Variants in ZNF563 observed in about 807,000 individuals in gnomAD.
ZNF563 encodes the protein zinc finger protein 563.
In ZNF563, 39 loss-of-function variants were observed where a neutral mutation model predicts 48.5. The observed-to-expected ratio is 0.80, with a 90% CI of 0.62 to 1.05. ZNF563 has a LOEUF of 1.05. ZNF563 is among the 50% of genes least tolerant of loss of function. ZNF563 has a pLI of 0.00. For synonymous variants in ZNF563, 168 were observed against 187.9 expected (o/e 0.89, Z 0.87); for missense variants, 538 against 597.0 (o/e 0.90, Z 1.03).
At chr19:12,336,584 T>G (rs752760150), upstream of ZNF563, among the ~76,000 whole-genome samples, 4 of 152,222 alleles carry the variant, frequency 2.6e-5, no homozygotes, top group Non-Finnish European at 5.9e-5. Flanking sequence ...AGAGCGAGAC[T>G]CCGTCTCAAA....
intron 3 of ZNF563, 70 bp downstream of exon 3, chr19:12,321,202 G>T: frequency 8.8e-7 from 1 of 1,132,272 alleles, no homozygotes; most frequent in Non-Finnish European, 1.3e-6. Context: ...CATTTTCTTT[G>T]TTTTTAAAAT....
the ZNF563 span, among the ~76,000 whole-genome samples, chr19:12,345,371 C>T: frequency 1.3e-5 from 2 of 152,064 alleles, no homozygotes; most frequent in Admixed American, 6.6e-5. Context: ...ATGGTACTGG[C>T]ATAAAGACAA....
the ZNF563 span, among the ~76,000 whole-genome samples, chr19:12,338,851 T>TCAAAACAAAA: frequency 2.6e-4 from 40 of 151,650 alleles, no homozygotes; most frequent in Non-Finnish European, 4.7e-4. Context: ...AGACTCCATC[T>TCAAAACAAAA]CAAAACAAAA....
upstream of ZNF563, among the ~76,000 whole-genome samples, chr19:12,338,545 A>G (rs1036626712): frequency 6.6e-6 from 1 of 152,080 alleles, no homozygotes; most frequent in Non-Finnish European, 1.5e-5. Context: ...ACCCGGCTTG[A>G]TGGAGCTATT....
rs1241345815 is a variant in ZNF563 at position 12,319,295 on chromosome 19, CAT to C, written c.728_729del (p.His243ArgfsTer11). The C allele has an allele frequency of 6.2e-7, 1 of 1,613,992 alleles. No homozygotes were observed. Among genetic ancestry groups the C allele is most frequent in the East Asian group, 2.2e-5 (1 of 44,866 alleles). ...AFPFYSSYRR[H>X]ERMHTGEKPY... ...GGTTTCTCCCCAGTGTGCATTCTCT[CAT>C]GTCTTCGATAGGAACTGTAAAAAGG... On this transcript the variant is annotated frameshift_variant, in exon 4 of 4. Transcript: ENST00000293725. LOFTEE classifies it high-confidence loss of function.
chr19:12,328,102 A>G (rs981684157), intron 1 of ZNF563, among the ~76,000 whole-genome samples: 6 of 152,214 alleles, frequency 3.9e-5, no homozygotes, highest in Admixed American at 3.9e-4. Context: ...CAACACTAGC[A>G]GGGTATATAT....
chr19:12,319,215 T>G lies in ZNF563; in HGVS notation c.810A>C (p.Arg270Ser). Residue 270 changes from arginine to serine, a missense_variant, in exon 4 of 4, where the codon AGA (arginine) becomes AGC (serine). Arg to Ser is a moderately radical substitution (Grantham distance 110). Coordinates refer to ENST00000293725, the MANE Select transcript of ZNF563 (RefSeq NM_145276.3). ...KALPDSSSYI[R>S]HERTHTGEKP... is the part of the protein sequence containing the mutation. ...TCTCTCCAGTGTGAGTTCTTTCATG[T>G]CTTATATAGGAACTGGAATCAGGCA... 1 of 1,613,942 alleles carries G rather than the reference T, an allele frequency of 6.2e-7. No individual in the cohort carries two copies. The highest frequency in any genetic ancestry group is 2.2e-5 in the East Asian group (1 of 44,884).
intron 1 of ZNF563, among the ~76,000 whole-genome samples, chr19:12,333,279 C>T (rs1229398585): frequency 1.3e-5 from 2 of 152,178 alleles, no homozygotes; most frequent in African/African-American, 2.4e-5. Flanking sequence ...GCGCAGGGAC[C>T]GGATAGGACG....
the ZNF563 span, among the ~76,000 whole-genome samples, chr19:12,341,029 T>C: frequency 6.6e-6 from 1 of 152,120 alleles, no homozygotes; most frequent in East Asian, 1.9e-4. Flanking sequence ...AAGAAATACA[T>C]GGACAATTAT....
At chr19:12,335,228 A>C (rs1425275097), upstream of ZNF563, among the ~76,000 whole-genome samples, 1 of 152,200 alleles carries the variant, frequency 6.6e-6, no homozygotes, top group East Asian at 1.9e-4. Flanking sequence ...ACTTAGTCCC[A>C]TTCTTGGGAC....
At chr19:12,343,200 GA>G in the ZNF563 span, among the ~76,000 whole-genome samples, 1,336 of 138,586 alleles carry the variant, frequency 9.6e-3, 22 homozygotes, top group Admixed American at 0.04. Flanking sequence ...GTCTCAAAAG[GA>G]AAAAAAAAAA....
chr19:12,334,110 TG>T (rs1438218153), upstream of ZNF563, among the ~76,000 whole-genome samples: 1 of 152,144 alleles, frequency 6.6e-6, no homozygotes, highest in African/African-American at 2.4e-5. Context: ...CATCAGGATT[TG>T]AGGATGAGAC....
the ZNF563 span, among the ~76,000 whole-genome samples, chr19:12,342,105 A>C: frequency 6.6e-6 from 1 of 152,112 alleles, no homozygotes; most frequent in East Asian, 1.9e-4. Context: ...TTGATTTCCC[A>C]GGCTTAAATA....
chr19:12,320,240 A>G (rs1968574787), intron 3 of ZNF563, among the ~76,000 whole-genome samples: 1 of 151,914 alleles, frequency 6.6e-6, no homozygotes, highest in Non-Finnish European at 1.5e-5. Flanking sequence ...TATCATTACC[A>G]TGCAAAGTGT....
rs1968543127 is a variant in ZNF563, at chr19:12,319,442, T to G, written c.583A>C (p.Arg195=). The part of the protein sequence containing the change: ...RRHMVVQGGN[R]PYKCKLCGKA... ...CCACACAACTTACATTTATAAGGTCTATTTCCACCTTGCACTACCATGTGT... is the reference window on the plus strand; with the variant it reads ...CCACACAACTTACATTTATAAGGTCGATTTCCACCTTGCACTACCATGTGT... Residue 195 remains arginine, a synonymous_variant, in exon 4 of 4, where the codon AGA becomes CGA. Coordinates refer to ENST00000293725, the MANE Select transcript of ZNF563 (RefSeq NM_145276.3). 1 of 1,614,132 alleles carries G rather than the reference T, an allele frequency of 6.2e-7. No homozygotes were observed.
the ZNF563 span, among the ~76,000 whole-genome samples, chr19:12,344,329 G>T: frequency 0.049 from 7,178 of 147,898 alleles, 579 homozygotes; most frequent in African/African-American, 0.17. Context: ...CACCACTCCA[G>T]TCCAGCCTGG....
chr19:12,317,973 C>A lies in ZNF563; in HGVS notation c.*621G>T. ...AATGCTTTTCTACATTTCTTACATT[C>A]ATATGACTTCTCTCCAGAGTGAATC... On this transcript the variant is annotated 3_prime_UTR_variant, in exon 4 of 4. Transcript: ENST00000293725. The A allele has an allele frequency of 5.9e-6, 1 of 170,550 alleles. No homozygotes were observed. The highest frequency in any genetic ancestry group is 1.7e-4 in the South Asian group (1 of 6,046). 10.6% of individuals were successfully genotyped at this position (170,550 alleles called of 1,614,324 possible). A position where few individuals can be genotyped will look rare whatever the true frequency, so the allele number is the denominator to read the frequency against.
chr19:12,331,976 T>A (rs1968928245), intron 1 of ZNF563, among the ~76,000 whole-genome samples: 1 of 152,222 alleles, frequency 6.6e-6, no homozygotes, highest in Non-Finnish European at 1.5e-5. Flanking sequence ...GGTTATTCTC[T>A]GCATCCTCAC....
chr19:12,337,052 C>T (rs921612595), upstream of ZNF563, among the ~76,000 whole-genome samples: 1 of 152,174 alleles, frequency 6.6e-6, no homozygotes, highest in East Asian at 1.9e-4. Context: ...ACCTGTGTCA[C>T]TACCTGCTCA....
Sources: gnomAD v4.1 joint callset for allele counts (sites outside exome capture counted in the v4.1 genomes callset) on GRCh38, gnomAD v4.1.1 for gene constraint, MANE v1.5 for transcripts, NCBI Gene and HGNC (gene_info 2026-07-23, HGNC 2026-07-21) for gene names.